The following ADGRL3 variants were observed in gnomAD, a reference collection of about 807,000 sequenced individuals.
ADGRL3 encodes the protein adhesion G protein-coupled receptor L3.
ADGRL3 carries 62 observed loss-of-function variants against 153.5 expected under a neutral mutation model. The ratio of observed to expected loss-of-function variants is 0.40; its 90% CI spans 0.33 to 0.50. ADGRL3 has a LOEUF of 0.50. Ranked by LOEUF, ADGRL3 falls within the 20% of genes least tolerant of loss-of-function variation. The pLI, the probability that ADGRL3 is intolerant of heterozygous loss-of-function variation, is 0.47. For synonymous variants in ADGRL3, 710 were observed against 672.5 expected (o/e 1.06, Z -0.86); for missense variants, 1,641 against 1,859.4 (o/e 0.88, Z 2.16).
At chr4:61,644,600 G>T (rs533677998) in intron 5 of ADGRL3, among the ~76,000 whole-genome samples, 13 of 152,164 alleles carry the variant, frequency 8.5e-5, no homozygotes, top group South Asian at 2.1e-4. Context: ...GCGGTTTTGC[G>T]TGAGATTCTT....
At chr4:61,778,220 C>T (rs2152356097) in intron 8 of ADGRL3, among the ~76,000 whole-genome samples, 1 of 152,278 alleles carries the variant, frequency 6.6e-6, no homozygotes, top group African/African-American at 2.4e-5. Context: ...TGGATCCCAT[C>T]CCCAAGATAT....
At chr4:61,842,194 C>A (rs1434458910) in intron 9 of ADGRL3, among the ~76,000 whole-genome samples, 3 of 152,018 alleles carry the variant, frequency 2.0e-5, no homozygotes, top group Non-Finnish European at 4.4e-5. Flanking sequence ...TAAATTAGGT[C>A]AAAATATTAT....
intron 8 of ADGRL3, among the ~76,000 whole-genome samples, chr4:61,750,051 T>G (rs932667686): frequency 6.6e-6 from 1 of 151,934 alleles, no homozygotes; most frequent in Non-Finnish European, 1.5e-5. Context: ...TGTCTTTAAG[T>G]GGAGCTGAAC....
At chr4:61,993,305 T>G (rs2099110230) in intron 19 of ADGRL3, among the ~76,000 whole-genome samples, 1 of 144,308 alleles carries the variant, frequency 6.9e-6, no homozygotes, top group Non-Finnish European at 1.5e-5. Flanking sequence ...TTTTTTTTTT[T>G]TTTTTGAGGT....
chr4:61,427,982 A>T (rs1325394537), intron 2 of ADGRL3: 4 of 152,808 alleles, frequency 2.6e-5, no homozygotes, highest in Non-Finnish European at 4.4e-5. Context: ...CCGTGTTTTC[A>T]CCGGGGCCCA....
intron 6 of ADGRL3, among the ~76,000 whole-genome samples, chr4:61,725,709 GA>G (rs2096322018): frequency 6.6e-6 from 1 of 151,904 alleles, no homozygotes; most frequent in Admixed American, 6.6e-5. Flanking sequence ...TACCCTCAGG[GA>G]GATTCTATTT....
intron 1 of ADGRL3, among the ~76,000 whole-genome samples, chr4:61,243,115 G>A (rs562191776): frequency 2.1e-4 from 32 of 152,150 alleles, no homozygotes; most frequent in African/African-American, 7.2e-4. Flanking sequence ...TTAAAGATGA[G>A]TAAGATTTCT....
chr4:61,854,610 G>T (rs1166058761), intron 9 of ADGRL3, among the ~76,000 whole-genome samples: 1 of 152,304 alleles, frequency 6.6e-6, no homozygotes, highest in African/African-American at 2.4e-5. Context: ...CTGTAGAAAA[G>T]AATTCCAAGT....
rs530052224 is a variant in ADGRL3, at chr4:61,517,753, T to A, written c.259+235T>A. 2.0e-5 allele frequency among the ~76,000 whole-genome samples: 3 copies of A among 152,354 alleles called. No individual in the cohort carries two copies. In the South Asian group the frequency reaches 6.2e-4, roughly 32 times the overall value. On this transcript the variant is annotated intron_variant, in intron 4 of 26. Coordinates refer to ENST00000683033, the MANE Select transcript of ADGRL3 (RefSeq NM_001387552.1). ...TTATTTTGAAATGTTTTATTTAAAA[T>A]ACTTGATTGGGTTTGAAATATTTTT... is the stretch of plus-strand genomic sequence containing the variant.
At chr4:61,808,018 G>GC (rs1561285056) in intron 8 of ADGRL3, among the ~76,000 whole-genome samples, 3 of 151,988 alleles carry the variant, frequency 2.0e-5, no homozygotes, top group African/African-American at 7.3e-5. Context: ...TGTTCCTCCT[G>GC]TCCCCCATAC....
At chr4:61,801,551 T>C (rs2097497701) in intron 8 of ADGRL3, among the ~76,000 whole-genome samples, 4 of 152,124 alleles carry the variant, frequency 2.6e-5, no homozygotes. Context: ...GAAACCATAG[T>C]TTCTTGTTAC....
At chr4:61,544,767 A>G (rs1004349940) in intron 4 of ADGRL3, among the ~76,000 whole-genome samples, 8 of 152,174 alleles carry the variant, frequency 5.3e-5, no homozygotes, top group South Asian at 2.1e-4. Context: ...AAATAATGGA[A>G]CCTCTTTCCA....
intron 9 of ADGRL3, among the ~76,000 whole-genome samples, chr4:61,839,525 A>AG (rs2097993742): frequency 6.6e-6 from 1 of 152,164 alleles, no homozygotes; most frequent in East Asian, 1.9e-4. Flanking sequence ...AGGAAAAAAA[A>AG]GTATACTTAT....
intron 5 of ADGRL3, among the ~76,000 whole-genome samples, chr4:61,644,604 G>C (rs1461400951): frequency 2.0e-5 from 3 of 152,192 alleles, no homozygotes; most frequent in Non-Finnish European, 4.4e-5. Flanking sequence ...TTTTGCGTGA[G>C]ATTCTTAATC....
At chr4:61,295,798 C>T (rs1472734196) in intron 1 of ADGRL3, among the ~76,000 whole-genome samples, 1 of 140,198 alleles carries the variant, frequency 7.1e-6, no homozygotes, top group Admixed American at 7.1e-5. Flanking sequence ...TGTCACTACA[C>T]AGATTTAAAA....
At chr4:61,984,143 T>G (rs932847339) in intron 19 of ADGRL3, among the ~76,000 whole-genome samples, 1 of 152,168 alleles carries the variant, frequency 6.6e-6, no homozygotes, top group Non-Finnish European at 1.5e-5. Flanking sequence ...TGTCGAGATG[T>G]GAAGCATATT....
At chr4:61,763,049 G>T (rs1580701049) in intron 8 of ADGRL3, among the ~76,000 whole-genome samples, 1 of 151,866 alleles carries the variant, frequency 6.6e-6, no homozygotes, top group African/African-American at 2.4e-5. Flanking sequence ...CTTAAAAAAA[G>T]AAATATATGC....
intron 2 of ADGRL3, chr4:61,385,363 G>T (rs1208433924): frequency 5.3e-5 from 8 of 152,164 alleles, no homozygotes; most frequent in African/African-American, 1.7e-4. Flanking sequence ...AGCCAACTTC[G>T]CCTGACTCCT....
At chr4:61,899,658 A>G (rs2098652953) in intron 11 of ADGRL3, among the ~76,000 whole-genome samples, 1 of 152,142 alleles carries the variant, frequency 6.6e-6, no homozygotes, top group South Asian at 2.1e-4. Context: ...TATGGTTAAA[A>G]CAAACAAACA....
Sources: gnomAD v4.1 joint callset for allele counts (sites outside exome capture counted in the v4.1 genomes callset) on GRCh38, gnomAD v4.1.1 for gene constraint, MANE v1.5 for transcripts, NCBI Gene and HGNC (gene_info 2026-07-23, HGNC 2026-07-21) for gene names.